NRXN1: variants seen among roughly 807,000 people sequenced by gnomAD.
NRXN1 encodes neurexin 1.
A neutral mutation model predicts 150.9 loss-of-function variants in NRXN1; 39 were observed. That is an observed-to-expected ratio of 0.26 (90% confidence interval 0.20 to 0.34). NRXN1 has a LOEUF of 0.34. Ranked by LOEUF, NRXN1 falls within the 10% of genes least tolerant of loss-of-function variation. NRXN1 has a pLI of 1.00. For missense variants in NRXN1, 1,815 were observed against 1,949.9 expected (o/e 0.93, Z 1.30); for synonymous variants, 924 against 757.0 (o/e 1.22, Z -3.62).
intron 12 of NRXN1, among the ~76,000 whole-genome samples, chr2:50,519,972 G>A (rs1400846012): frequency 6.6e-6 from 1 of 151,852 alleles, no homozygotes; most frequent in Admixed American, 6.6e-5. Flanking sequence ...TCAAAGACAG[G>A]ACATAATGTT....
chr2:50,848,996 C>CACTCA (rs774548707), intron 5 of NRXN1, among the ~76,000 whole-genome samples: 10 of 152,230 alleles, frequency 6.6e-5, no homozygotes, highest in Non-Finnish European at 1.5e-4. Flanking sequence ...ACTAACCCAT[C>CACTCA]ACTCACATTG....
At chr2:50,316,274 T>G (rs949828210) in intron 17 of NRXN1, among the ~76,000 whole-genome samples, 15 of 152,016 alleles carry the variant, frequency 9.9e-5, no homozygotes, top group Admixed American at 7.9e-4. Context: ...CCATTCCAAC[T>G]GAAACCTTAT....
intron 5 of NRXN1, among the ~76,000 whole-genome samples, chr2:50,801,143 G>A (rs910612385): frequency 6.6e-6 from 1 of 151,966 alleles, no homozygotes; most frequent in African/African-American, 2.4e-5. Flanking sequence ...TTTATAAGAA[G>A]CAACTGATTC....
intron 21 of NRXN1, among the ~76,000 whole-genome samples, chr2:49,946,614 TC>T (rs1260844363): frequency 5.3e-5 from 8 of 152,306 alleles, no homozygotes; most frequent in African/African-American, 1.7e-4. Flanking sequence ...TAGCCAGTTT[TC>T]CCAACACCAT....
At chr2:51,025,669 A>T (rs1385192541) in intron 2 of NRXN1, among the ~76,000 whole-genome samples, 1 of 152,192 alleles carries the variant, frequency 6.6e-6, no homozygotes, top group East Asian at 1.9e-4. Context: ...GTTTCTATTA[A>T]TCAGTGCAAA....
chr2:50,214,671 T>C (rs777556200), intron 18 of NRXN1, among the ~76,000 whole-genome samples: 15 of 151,858 alleles, frequency 9.9e-5, no homozygotes, highest in Non-Finnish European at 1.9e-4. Context: ...TTCTAAGGAG[T>C]TTACTGATAA....
At chr2:50,552,528 T>C (rs1667681949) in intron 9 of NRXN1, 59 bp downstream of exon 9, 1 of 1,298,648 alleles carries the variant, frequency 7.7e-7, no homozygotes, top group Non-Finnish European at 1.1e-6. Context: ...CTTTTAGGAA[T>C]GGCATGGGTG....
intron 18 of NRXN1, among the ~76,000 whole-genome samples, chr2:50,120,198 TA>T (rs377452579): frequency 6.6e-6 from 1 of 152,154 alleles, no homozygotes; most frequent in South Asian, 2.1e-4. Flanking sequence ...AAAACATATA[TA>T]AGGTAGAGGA....
chr2:50,115,217 G>GTACATATA (rs1702886057), intron 18 of NRXN1, among the ~76,000 whole-genome samples: 1 of 134,914 alleles, frequency 7.4e-6, no homozygotes, highest in African/African-American at 2.7e-5. Flanking sequence ...TATGTTATGT[G>GTACATATA]TATATATATA....
At chr2:50,248,824 T>C (rs1326699376) in intron 17 of NRXN1, among the ~76,000 whole-genome samples, 1 of 152,076 alleles carries the variant, frequency 6.6e-6, no homozygotes, top group Non-Finnish European at 1.5e-5. Context: ...GAAACTAGTG[T>C]AAACAAATAC....
chr2:50,476,461 A>G (rs1261481884), intron 15 of NRXN1, among the ~76,000 whole-genome samples: 1 of 152,020 alleles, frequency 6.6e-6, no homozygotes, highest in Non-Finnish European at 1.5e-5. Context: ...AATGGGGTTG[A>G]TAATGCCTAC....
chr2:50,784,969 C>A (rs1704876173), intron 5 of NRXN1, among the ~76,000 whole-genome samples: 1 of 152,034 alleles, frequency 6.6e-6, no homozygotes, highest in South Asian at 2.1e-4. Context: ...CCCTAACTCC[C>A]AATGTGACTG....
At chr2:50,115,878 C>T (rs1420908950) in intron 18 of NRXN1, among the ~76,000 whole-genome samples, 1 of 152,080 alleles carries the variant, frequency 6.6e-6, no homozygotes, top group Non-Finnish European at 1.5e-5. Flanking sequence ...AATTTATAAG[C>T]AGTCTGTCTT....
At chr2:50,723,999 T>A (rs769208404) in intron 5 of NRXN1, among the ~76,000 whole-genome samples, 5 of 152,206 alleles carry the variant, frequency 3.3e-5, no homozygotes, top group Non-Finnish European at 5.9e-5. Context: ...CTCTAATTTG[T>A]TTGGTAGATG....
chr2:50,658,713 C>G (rs550565200), intron 5 of NRXN1, among the ~76,000 whole-genome samples: 1 of 152,006 alleles, frequency 6.6e-6, no homozygotes, highest in East Asian at 2.0e-4. Flanking sequence ...GTCCCAAATG[C>G]AGTTTTGCCA....
At chr2:50,510,482 T>C (rs1269582140) in intron 12 of NRXN1, among the ~76,000 whole-genome samples, 4 of 30,112 alleles carry the variant, frequency 1.3e-4, no homozygotes, top group African/African-American at 7.5e-4. Context: ...AGAGACTCCA[T>C]CTCAAAAAAA....
chr2:50,107,318 T>C (rs1701787798), intron 18 of NRXN1, among the ~76,000 whole-genome samples: 1 of 151,222 alleles, frequency 6.6e-6, no homozygotes, highest in Non-Finnish European at 1.5e-5. Flanking sequence ...ACTAGAACTT[T>C]CAATGACACC....
At chr2:50,446,199 C>A (rs2086387949) in intron 17 of NRXN1, among the ~76,000 whole-genome samples, 1 of 152,018 alleles carries the variant, frequency 6.6e-6, no homozygotes, top group Admixed American at 6.5e-5. Flanking sequence ...AATAATGGTG[C>A]AACTAGTTGA....
chr2:49,965,095 G>T (rs1222701321), intron 21 of NRXN1, among the ~76,000 whole-genome samples: 7 of 151,946 alleles, frequency 4.6e-5, no homozygotes, highest in Non-Finnish European at 1.0e-4. Context: ...TCCCAGGCTG[G>T]TCTCAAACTC....
Sources: allele counts gnomAD v4.1 joint callset (sites outside exome capture counted in the v4.1 genomes callset), GRCh38; gene constraint gnomAD v4.1.1; transcripts MANE v1.5; gene names NCBI Gene and HGNC (gene_info 2026-07-23, HGNC 2026-07-21).